Variants in KANSL1 observed in about 807,000 individuals in gnomAD.
The protein encoded by KANSL1 is MLL1/MLL complex subunit KANSL1.
KANSL1 carries 22 observed loss-of-function variants against 103.6 expected under a neutral mutation model. The ratio of observed to expected loss-of-function variants is 0.21; its 90% CI spans 0.15 to 0.30. The LOEUF (loss-of-function observed/expected upper bound fraction) is 0.30, where lower values mean the gene tolerates loss of function less well. Ranked by LOEUF, KANSL1 falls within the 10% of genes least tolerant of loss-of-function variation. The pLI is 1.00. For missense variants in KANSL1, 1,337 were observed against 1,399.8 expected (o/e 0.96, Z 0.72); for synonymous variants, 600 against 527.6 (o/e 1.14, Z -1.88).
upstream of KANSL1, among the ~76,000 whole-genome samples, chr17:46,197,669 T>G (rs2696442): frequency 0.14 from 21,951 of 152,102 alleles, 2,135 homozygotes; most frequent in Non-Finnish European, 0.22. Context: ...ATGTACAGAG[T>G]TGGCACTACA....
At chr17:46,127,934 A>C (rs965831868) in intron 2 of KANSL1, among the ~76,000 whole-genome samples, 3 of 152,200 alleles carry the variant, frequency 2.0e-5, no homozygotes, top group African/African-American at 7.2e-5. Flanking sequence ...GTATGAATTT[A>C]AAATAGAACA....
intron 2 of KANSL1, among the ~76,000 whole-genome samples, chr17:46,129,292 C>G (rs1170065879): frequency 1.3e-5 from 2 of 152,102 alleles, no homozygotes; most frequent in African/African-American, 2.4e-5. Context: ...GGTACGATGT[C>G]AAGCATGGAA....
At chr17:46,147,576 A>ATT (rs1363948194) in intron 2 of KANSL1, among the ~76,000 whole-genome samples, 126 of 110,312 alleles carry the variant, frequency 1.1e-3, no homozygotes, top group African/African-American at 2.7e-3. Flanking sequence ...ACTCTTTAAA[A>ATT]AAAAAAAAAA....
At chr17:46,070,643 G>T (rs1310891632) in intron 4 of KANSL1, among the ~76,000 whole-genome samples, 3 of 152,006 alleles carry the variant, frequency 2.0e-5, no homozygotes, top group African/African-American at 7.3e-5. Flanking sequence ...CAGAAGTTCT[G>T]GTTTAGATGA....
intron 2 of KANSL1, among the ~76,000 whole-genome samples, chr17:46,168,460 G>C (rs2046117759): frequency 6.6e-6 from 1 of 151,930 alleles, no homozygotes; most frequent in South Asian, 2.1e-4. Context: ...CGATTCTCCT[G>C]CCTCAGCCTC....
At chr17:46,056,051 T>A (rs1355659983) in intron 6 of KANSL1, among the ~76,000 whole-genome samples, 3 of 152,214 alleles carry the variant, frequency 2.0e-5, no homozygotes, top group Non-Finnish European at 2.9e-5. Context: ...CAGGCTAGAG[T>A]GCAATGGTGC....
At chr17:46,191,122 C>T (rs2141298) in intron 1 of KANSL1, among the ~76,000 whole-genome samples, 21,951 of 151,980 alleles carry the variant, frequency 0.14, 2,136 homozygotes, top group Non-Finnish European at 0.22. Flanking sequence ...AAATGTACTT[C>T]GTATTTTATA....
intron 2 of KANSL1, among the ~76,000 whole-genome samples, chr17:46,109,510 G>T (rs192828086): frequency 6.6e-6 from 1 of 151,836 alleles, no homozygotes; most frequent in Admixed American, 6.6e-5. Context: ...ATATAAATTT[G>T]CCTCCCTCAA....
chr17:46,151,187 G>A (rs533185322), intron 2 of KANSL1, among the ~76,000 whole-genome samples: 24 of 152,284 alleles, frequency 1.6e-4, no homozygotes, highest in African/African-American at 3.4e-4. Context: ...TTAAAACAAC[G>A]ATGCTTACAA....
chr17:46,132,139 A>AT (rs1400868859), intron 2 of KANSL1, among the ~76,000 whole-genome samples: 1 of 152,154 alleles, frequency 6.6e-6, no homozygotes, highest in Non-Finnish European at 1.5e-5. Context: ...AAAAAAAAAA[A>AT]GTAAAATGAG....
At chr17:46,058,743 A>ACTCTCT (rs756932556) in intron 6 of KANSL1, among the ~76,000 whole-genome samples, 6 of 68,026 alleles carry the variant, frequency 8.8e-5, no homozygotes, top group Non-Finnish European at 1.3e-4. Flanking sequence ...ACACACACAC[A>ACTCTCT]CTCTCTCTCT....
At chr17:46,116,473 T>C (rs2147149912) in intron 2 of KANSL1, among the ~76,000 whole-genome samples, 1 of 152,310 alleles carries the variant, frequency 6.6e-6, no homozygotes, top group South Asian at 2.1e-4. Flanking sequence ...GAGCTTGCAG[T>C]GAGCCGAGAT....
In KANSL1 at chr17:46,094,619, C is replaced by T; in HGVS notation, c.1372G>A (p.Asp458Asn). Residue 458 changes from aspartate (D) to asparagine (N), a missense_variant, in exon 3 of 15, where the codon GAC becomes AAC. Around this residue, in one of 2 missense-constraint regions of KANSL1, gnomAD observed 780 missense variants for 923.4 expected, o/e 0.84. Transcript: ENST00000432791. ...RWNWLQAHVS[D>N]LEYRIRQQTD... ...TGCTGACGAATTCGATATTCCAAGT[C>T]AGAAACATGAGCCTGAAGCCAGTTC... 6.2e-7 allele frequency: 1 copy of T among 1,614,148 alleles called. No individual in the cohort carries two copies. The highest frequency in any genetic ancestry group is 8.5e-7 in the Non-Finnish European group (1 of 1,180,038).
chr17:46,091,812 A>AGTATGTATGTATGTAGGTATGTAGGTAT (rs1555757365), intron 3 of KANSL1, among the ~76,000 whole-genome samples: 4 of 151,506 alleles, frequency 2.6e-5, no homozygotes, highest in Non-Finnish European at 5.9e-5. Context: ...TATATATGTA[A>AGTATGTATGTATGTAGGTATGTAGGTAT]GTATGTATGT....
At chr17:46,134,814 C>A (rs1387094368) in intron 2 of KANSL1, among the ~76,000 whole-genome samples, 1 of 152,002 alleles carries the variant, frequency 6.6e-6, no homozygotes, top group Non-Finnish European at 1.5e-5. Context: ...CACTGCACTC[C>A]AGCCTGGGCA....
Position 46,114,274 on chromosome 17 carries a change from G to A in KANSL1, c.1290-19573C>T, listed in dbSNP as rs1162507743. ...CTCGGGAGGCTGAGGCAGGAGAATC[G>A]CTTGAACCCAGGAGGCGGAGGTTGC... On this transcript the variant is annotated intron_variant, in intron 2 of 14. Transcript: ENST00000432791. 2.0e-5 allele frequency among the ~76,000 whole-genome samples: 3 copies of A among 152,158 alleles called. No homozygotes were observed. The South Asian group carries it at 6.2e-4, about 31-fold the overall frequency.
chr17:46,199,850 C>A (rs2047735686), intron 1 of KANSL1, among the ~76,000 whole-genome samples: 1 of 152,170 alleles, frequency 6.6e-6, no homozygotes, highest in South Asian at 2.1e-4. Flanking sequence ...CAGCTGAATA[C>A]AATTATATCA....
intron 1 of KANSL1, among the ~76,000 whole-genome samples, chr17:46,182,692 C>T (rs2046847282): frequency 6.6e-6 from 1 of 152,216 alleles, no homozygotes; most frequent in Non-Finnish European, 1.5e-5. Flanking sequence ...TCTTAATCTT[C>T]ACAATAACAA....
chr17:46,058,962 G>A (rs1050685029), intron 6 of KANSL1, among the ~76,000 whole-genome samples: 3 of 151,178 alleles, frequency 2.0e-5, no homozygotes, highest in African/African-American at 4.9e-5. Context: ...CAGGAGAATC[G>A]CTTGAACCTG....
Sources: allele counts gnomAD v4.1 joint callset (sites outside exome capture counted in the v4.1 genomes callset), GRCh38; gene constraint gnomAD v4.1.1; regional missense constraint gnomAD v4.1.1; transcripts MANE v1.5; gene names NCBI Gene and HGNC (gene_info 2026-07-23, HGNC 2026-07-21).